Variants in PPP2R2B observed in about 807,000 individuals in gnomAD.
PPP2R2B encodes protein phosphatase 2 regulatory subunit Bbeta.
Under a neutral mutation model 46.0 loss-of-function variants are expected in PPP2R2B, and 5 were observed. That is an observed-to-expected ratio of 0.11 (90% CI 0.06 to 0.23). PPP2R2B has a LOEUF of 0.23. PPP2R2B is among the 10% of genes least tolerant of loss of function. PPP2R2B has a pLI of 1.00. For missense variants in PPP2R2B, 367 were observed against 575.0 expected (o/e 0.64, Z 3.70); for synonymous variants, 215 against 206.7 (o/e 1.04, Z -0.34).
intron 1 of PPP2R2B, among the ~76,000 whole-genome samples, chr5:146,963,015 T>G (rs1458487033): frequency 1.3e-5 from 2 of 152,224 alleles, no homozygotes; most frequent in African/African-American, 4.8e-5. Flanking sequence ...CTGACTCATC[T>G]TTGAGATGAT....
upstream of PPP2R2B, among the ~76,000 whole-genome samples, chr5:146,879,335 G>C (rs960379205): frequency 3.9e-5 from 6 of 152,092 alleles, no homozygotes; most frequent in African/African-American, 9.7e-5. Flanking sequence ...ACTGTAGGAG[G>C]CTGGTGTTCA....
At chr5:147,025,481 A>C (rs1214686990) in intron 1 of PPP2R2B, among the ~76,000 whole-genome samples, 1 of 151,978 alleles carries the variant, frequency 6.6e-6, no homozygotes, top group East Asian at 1.9e-4. Flanking sequence ...AAACCCCGAA[A>C]TAGGAGAAAA....
intron 7 of PPP2R2B, chr5:146,607,084 G>C (rs1772362622): frequency 6.6e-6 from 1 of 152,180 alleles, no homozygotes; most frequent in Admixed American, 6.5e-5. Flanking sequence ...TTCCTTCAGA[G>C]ACATGCAGGC....
At chr5:146,823,187 G>A (rs376883050) in intron 2 of PPP2R2B, among the ~76,000 whole-genome samples, 6 of 152,038 alleles carry the variant, frequency 3.9e-5, no homozygotes, top group African/African-American at 1.2e-4. Flanking sequence ...TGTGGCCAGA[G>A]TTTACTTCTT....
chr5:147,041,612 G>C (rs1756306289), intron 1 of PPP2R2B, among the ~76,000 whole-genome samples: 1 of 144,494 alleles, frequency 6.9e-6, no homozygotes, highest in Admixed American at 6.9e-5. Context: ...ATTACACTTA[G>C]AGTTTTTTCC....
At chr5:146,647,689 C>A (rs1775679970) in intron 6 of PPP2R2B, among the ~76,000 whole-genome samples, 1 of 152,194 alleles carries the variant, frequency 6.6e-6, no homozygotes, top group African/African-American at 2.4e-5. Flanking sequence ...TCCCCTCCCC[C>A]TTGAAGGCCT....
At chr5:146,838,374 C>A (rs985087061) in intron 2 of PPP2R2B, among the ~76,000 whole-genome samples, 3 of 150,622 alleles carry the variant, frequency 2.0e-5, no homozygotes, top group African/African-American at 7.4e-5. Context: ...GAGTTCAAGA[C>A]CAGCCTGGCC....
At chr5:147,038,450 A>C (rs1448596612) in intron 1 of PPP2R2B, among the ~76,000 whole-genome samples, 1 of 152,182 alleles carries the variant, frequency 6.6e-6, no homozygotes, top group Non-Finnish European at 1.5e-5. Context: ...TTCCTTTATT[A>C]AATTACATTG....
At chr5:147,047,507 A>T (rs1756598868) in intron 1 of PPP2R2B, among the ~76,000 whole-genome samples, 1 of 152,172 alleles carries the variant, frequency 6.6e-6, no homozygotes, top group Admixed American at 6.6e-5. Context: ...GCCTCTACTA[A>T]TATAAAGAGT....
intron 1 of PPP2R2B, among the ~76,000 whole-genome samples, chr5:147,052,606 C>T (rs1182646377): frequency 6.6e-6 from 1 of 152,074 alleles, no homozygotes; most frequent in Admixed American, 6.6e-5. Context: ...AGAAAAGCAG[C>T]CCAAAAGTCT....
chr5:146,878,177 A>G lies in PPP2R2B; in HGVS notation c.-106T>C, dbSNP rs757906953. The G allele has an allele frequency of 3.1e-5, 50 of 1,598,464 alleles. No individual in the cohort carries two copies. The highest frequency in any genetic ancestry group is 4.1e-5 in the Non-Finnish European group (48 of 1,172,018). On this transcript the variant is annotated 5_prime_UTR_variant, in exon 2 of 10. Transcript: ENST00000394411. The surrounding 1 kb of genome is among the most constrained non-coding windows in gnomAD (Gnocchi z 4.5). The stretch of plus-strand genomic sequence containing the variant: ...AGAGGGGGGCAGGGGAGCCAGTGGG[A>G]CTGCACCATGGTCCGAGCCTGAGGA...
chr5:146,708,395 ATGTG>A (rs1561848485), intron 2 of PPP2R2B, among the ~76,000 whole-genome samples: 1 of 128,196 alleles, frequency 7.8e-6, no homozygotes, highest in Non-Finnish European at 1.7e-5. Context: ...ATATCTATGT[ATGTG>A]TGTGTGTATG....
chr5:146,670,574 C>A (rs1386358642), intron 5 of PPP2R2B, among the ~76,000 whole-genome samples: 2 of 151,902 alleles, frequency 1.3e-5, no homozygotes, highest in Non-Finnish European at 2.9e-5. Flanking sequence ...CGGCTCACTG[C>A]AACCTCCGCC....
At chr5:146,873,323 CTT>C (rs1761718582) in intron 2 of PPP2R2B, among the ~76,000 whole-genome samples, 2 of 152,172 alleles carry the variant, frequency 1.3e-5, no homozygotes, top group Admixed American at 1.3e-4. Flanking sequence ...TATCTCCCAA[CTT>C]TCATTCTTTT....
chr5:146,942,117 T>A (rs1211905092), intron 1 of PPP2R2B, among the ~76,000 whole-genome samples: 4 of 152,208 alleles, frequency 2.6e-5, no homozygotes, highest in African/African-American at 9.6e-5. Flanking sequence ...TCATTTTAAC[T>A]TGATTTTTCA....
At chr5:146,693,002 C>T (rs998326789) in intron 4 of PPP2R2B, among the ~76,000 whole-genome samples, 4 of 152,140 alleles carry the variant, frequency 2.6e-5, no homozygotes, top group Admixed American at 1.3e-4. Context: ...CTCTGTCTTG[C>T]ACAAGGTAGG....
chr5:146,741,408 G>T (rs1248671422), intron 2 of PPP2R2B, among the ~76,000 whole-genome samples: 1 of 152,158 alleles, frequency 6.6e-6, no homozygotes, highest in Non-Finnish European at 1.5e-5. Flanking sequence ...TCAGGGGAAG[G>T]TATAAATTAT....
chr5:147,075,364 A>T (rs1757731995), intron 2 of PPP2R2B, among the ~76,000 whole-genome samples: 1 of 152,182 alleles, frequency 6.6e-6, no homozygotes. Context: ...GTGTAAGTTT[A>T]GGTCATCAAC....
intron 6 of PPP2R2B, among the ~76,000 whole-genome samples, chr5:146,644,016 AC>A: frequency 6.6e-6 from 1 of 152,306 alleles, no homozygotes; most frequent in South Asian, 2.1e-4. Flanking sequence ...AACTTTACTT[AC>A]AAAAACACTT....
Sources: allele counts gnomAD v4.1 joint callset (sites outside exome capture counted in the v4.1 genomes callset), GRCh38; gene constraint gnomAD v4.1.1; non-coding constraint Gnocchi (gnomAD v3.1); transcripts MANE v1.5; gene names NCBI Gene and HGNC (gene_info 2026-07-23, HGNC 2026-07-21).